TAAR9: variants seen among roughly 807,000 people sequenced by gnomAD.
TAAR9 encodes the protein trace amine-associated receptor 9.
For missense variants in TAAR9, 453 were observed against 409.4 expected (o/e 1.11, Z -0.92); for synonymous variants, 162 against 152.6 (o/e 1.06, Z -0.45).
At position 132,538,695 on chromosome 6, in the gene TAAR9, G is replaced by C. The variant is rs757484187; in HGVS notation, c.406G>C (p.Asp136His). 45 of 1,612,996 alleles carry C rather than the reference G, an allele frequency of 2.8e-5. No individual in the cohort carries two copies. Among genetic ancestry groups the C allele is most frequent in the Middle Eastern group, 1.6e-4 (1 of 6,072 alleles). ...TGTTGATAGATACATTGCTGTTACT[G>C]ATCCTCTGACCTATCCAACCAAGTT... The change falls in exon 1 of 1, where the codon GAT (aspartate) becomes CAT (histidine). Residue 136 changes from aspartate to histidine, a missense_variant. Physicochemically the swap from Asp to His is moderately conservative, Grantham distance 81 (BLOSUM62 -1). Transcript: ENST00000434551.
exon 1 of TAAR9, chr6:132,538,741 T>C: frequency 6.2e-7 from 1 of 1,613,930 alleles, no homozygotes; most frequent in South Asian, 1.1e-5. Flanking sequence ...GTTTCAGGGA[T>C]ATGCATTGTT....
exon 1 of TAAR9, chr6:132,538,610 C>T (rs770330070): frequency 6.3e-7 from 1 of 1,589,058 alleles, no homozygotes. Flanking sequence ...ACTGTAAATT[C>T]CATACATGTT....
In TAAR9 at chr6:132,538,454, T is replaced by G; in HGVS notation, c.165T>G (p.Ile55Met). 1.6e-5 allele frequency: 26 copies of G among 1,613,704 alleles called. No individual in the cohort carries two copies. Among genetic ancestry groups the G allele is most frequent in the Non-Finnish European group, 2.2e-5 (26 of 1,179,784 alleles). ...CGTTTGGAAACTTACTGGTCATGATTGCTATCCTTCACTTCAAACAACTGC... is the reference window on the plus strand; with the variant it reads ...CGTTTGGAAACTTACTGGTCATGATGGCTATCCTTCACTTCAAACAACTGC... The change falls in exon 1 of 1, where the codon ATT (isoleucine) becomes ATG (methionine). Residue 55 changes from isoleucine to methionine, a missense_variant. Coordinates refer to ENST00000434551, the Ensembl canonical transcript of TAAR9.
At chr6:132,538,366 C>T (rs1428583877) in exon 1 of TAAR9, 2 of 1,613,588 alleles carry the variant, frequency 1.2e-6, no homozygotes, top group Non-Finnish European at 1.7e-6. Flanking sequence ...ATTAAAACTC[C>T]TTACTCGCCA....
exon 1 of TAAR9, chr6:132,538,736 A>T: frequency 5.6e-6 from 9 of 1,613,774 alleles, no homozygotes; most frequent in Non-Finnish European, 7.6e-6. Context: ...TGTCAGTTTC[A>T]GGGATATGCA....
At chr6:132,538,717 A>G in exon 1 of TAAR9, 2 of 1,613,748 alleles carry the variant, frequency 1.2e-6, no homozygotes, top group Non-Finnish European at 1.7e-6. Flanking sequence ...TATCCAACCA[A>G]GTTTACTGTG....
At chr6:132,539,108 A>G (rs560375817) in exon 1 of TAAR9, 9 of 1,554,188 alleles carry the variant, frequency 5.8e-6, no homozygotes, top group Admixed American at 2.1e-5. Context: ...CTTGGCTACC[A>G]TACCTCGTTG....
exon 1 of TAAR9, chr6:132,539,000 A>C: frequency 2.6e-6 from 4 of 1,531,666 alleles, no homozygotes; most frequent in Non-Finnish European, 3.5e-6. Flanking sequence ...CAGCCAGCCA[A>C]GCTCAGTCCT....
exon 1 of TAAR9, chr6:132,538,756 C>T: frequency 1.2e-6 from 2 of 1,613,820 alleles, no homozygotes; most frequent in Non-Finnish European, 1.7e-6. Context: ...ATTGTTCTTT[C>T]CTGGTTCTTT....
chr6:132,538,697 T>C, exon 1 of TAAR9: 1 of 1,613,388 alleles, frequency 6.2e-7, no homozygotes, highest in East Asian at 2.2e-5. Flanking sequence ...CTGTTACTGA[T>C]CCTCTGACCT....
exon 1 of TAAR9, chr6:132,538,672 T>G (rs750126924): frequency 6.2e-7 from 1 of 1,611,366 alleles, no homozygotes; most frequent in South Asian, 1.1e-5. Context: ...TGTATCTCTG[T>G]TGATAGATAC....
chr6:132,539,099 T>G lies in TAAR9; in HGVS notation c.810T>G (p.Ser270=). 1.9e-6 allele frequency: 3 copies of G among 1,546,882 alleles called. No homozygotes were observed. The South Asian group carries it at 3.8e-5, about 20-fold the overall frequency. ...TTGCTATGGCAGCATTTCTTGTCTC[T>G]TGGCTACCATACCTCGTTGATGCAG... Residue 270 remains serine, a synonymous_variant, in exon 1 of 1, where the codon TCT becomes TCG. Transcript: ENST00000434551.
rs774764069 is a variant in TAAR9 at position 132,539,325 on chromosome 6, G to GA, written c.1037dup (p.Thr347AspfsTer?). ...AACTAATTTATTTTCTGAAGAAGTAGAGACAGATTAAAAACATTACTGTAG... is the reference window on the plus strand; with the variant it reads ...AACTAATTTATTTTCTGAAGAAGTAGAAGACAGATTAAAAACATTACTGTAG... On this transcript the variant is annotated frameshift_variant, in exon 1 of 1. Transcript: ENST00000434551. LOFTEE classifies it high-confidence loss of function. The GA allele has an allele frequency of 3.1e-5, 49 of 1,602,678 alleles. No individual in the cohort carries two copies. Among genetic ancestry groups the GA allele is most frequent in the Non-Finnish European group, 4.1e-5 (48 of 1,176,108 alleles).
At chr6:132,539,005 A>C in exon 1 of TAAR9, 2 of 1,531,172 alleles carry the variant, frequency 1.3e-6, no homozygotes, top group East Asian at 2.3e-5. Context: ...AGCCAAGCTC[A>C]GTCCTCCTCA....
exon 1 of TAAR9, chr6:132,539,331 G>C (rs1776262999): frequency 6.3e-7 from 1 of 1,599,720 alleles, no homozygotes; most frequent in East Asian, 2.2e-5. Flanking sequence ...AGTAGAGACA[G>C]ATTAAAAACA....
chr6:132,538,566 T>TA lies in TAAR9; in HGVS notation c.277_278insA (p.Ser93TyrfsTer14), dbSNP rs769937555. The TA allele has an allele frequency of 1.2e-3, 1,991 of 1,599,398 alleles. 36 individuals are homozygous for TA. In the South Asian group the frequency reaches 0.021, roughly 17 times the overall value. ...TGTGATGCCCTTCAGCACAGTGAGG[T>TA]CTGTGGAGAGCTGTTGGTACTTTGG... On this transcript the variant is annotated frameshift_variant, in exon 1 of 1. Coordinates refer to ENST00000434551, the Ensembl canonical transcript of TAAR9. LOFTEE classifies it low-confidence loss of function (END_TRUNC).
chr6:132,539,260 T>G lies in TAAR9; in HGVS notation c.971T>G (p.Leu324Arg), dbSNP rs527339109. The G allele has an allele frequency of 8.7e-5, 140 of 1,613,242 alleles. No homozygotes were observed. The East Asian group carries it at 2.2e-3, about 25-fold the overall frequency. The stretch of plus-strand genomic sequence containing the variant: ...CAATGGTTTGGGAAGGCAATAAAAC[T>G]TATTGTAAGCGGCAAGGTCTTAAGG... Residue 324 changes from leucine to arginine, a missense_variant, in exon 1 of 1, where the codon CTT (leucine) becomes CGT (arginine). Leu to Arg is a moderately radical substitution (Grantham distance 102, BLOSUM62 -2). Coordinates refer to ENST00000434551, the Ensembl canonical transcript of TAAR9.
exon 1 of TAAR9, chr6:132,539,302 C>T (rs754487577): frequency 7.4e-6 from 12 of 1,610,992 alleles, no homozygotes; most frequent in African/African-American, 1.3e-5. Context: ...TCGTCAACAA[C>T]TAATTTATTT....
chr6:132,538,512 G>A (rs1776251443), exon 1 of TAAR9: 1 of 1,613,058 alleles, frequency 6.2e-7, no homozygotes, highest in Admixed American at 1.7e-5. Context: ...TGCGTCGCTG[G>A]CCTGTGCTGA....
Sources: gnomAD v4.1 joint callset for allele counts on GRCh38, gnomAD v4.1.1 for gene constraint, MANE v1.5 for transcripts, NCBI Gene and HGNC (gene_info 2026-07-23, HGNC 2026-07-21) for gene names.